MAP4K4: variants seen among roughly 807,000 people sequenced by gnomAD.
MAP4K4 encodes the protein mitogen-activated protein kinase kinase kinase kinase 4, also known as HPK/GCK-like kinase HGK.
A neutral mutation model predicts 189.6 loss-of-function variants in MAP4K4; 38 were observed. The ratio of observed to expected loss-of-function variants is 0.20; its 90% CI spans 0.15 to 0.26. MAP4K4 has a LOEUF of 0.26. Ranked by LOEUF, MAP4K4 falls within the 10% of genes least tolerant of loss-of-function variation. MAP4K4 has a pLI of 1.00. For synonymous variants in MAP4K4, 610 were observed against 624.3 expected, an observed-to-expected ratio of 0.98 and a Z score of 0.34; for missense variants, 1,054 against 1,726.9, an observed-to-expected ratio of 0.61 and a Z score of 6.91.
At chr2:101,733,319 G>C (rs1355015031) in intron 2 of MAP4K4, among the ~76,000 whole-genome samples, 1 of 152,216 alleles carries the variant, frequency 6.6e-6, no homozygotes, top group Non-Finnish European at 1.5e-5. Context: ...AGGATGTCAG[G>C]AAGGCACTGA....
At chr2:101,833,199 T>C (rs968649025) in intron 7 of MAP4K4, among the ~76,000 whole-genome samples, 1 of 152,038 alleles carries the variant, frequency 6.6e-6, no homozygotes. Context: ...AAGTGTAGAT[T>C]ATTTAGAAAA....
intron 9 of MAP4K4, among the ~76,000 whole-genome samples, chr2:101,836,820 AC>A (rs1279789935): frequency 3.3e-5 from 5 of 152,150 alleles, no homozygotes; most frequent in Admixed American, 3.3e-4. Flanking sequence ...GAGTACTGAT[AC>A]CCGCAGAGAG....
intron 2 of MAP4K4, among the ~76,000 whole-genome samples, chr2:101,755,141 T>C (rs534859120): frequency 3.0e-4 from 45 of 151,280 alleles, no homozygotes; most frequent in African/African-American, 1.1e-3. Context: ...GTTTGTCAAA[T>C]ACTTAAAAAA....
intron 22 of MAP4K4, 59 bp downstream of exon 22, chr2:101,869,856 C>G: frequency 1.4e-6 from 2 of 1,464,938 alleles, no homozygotes; most frequent in Non-Finnish European, 1.8e-6. Context: ...CTGCTTTCCA[C>G]TGGGACCTAG....
At chr2:101,887,369 G>A in intron 30 of MAP4K4, 132 bp downstream of exon 30, 2 of 871,534 alleles carry the variant, frequency 2.3e-6, no homozygotes, top group Non-Finnish European at 3.4e-6. Flanking sequence ...GTATTTAAAT[G>A]ATACGCAATT....
chr2:101,794,515 T>C (rs2148869398), intron 3 of MAP4K4, among the ~76,000 whole-genome samples: 1 of 152,358 alleles, frequency 6.6e-6, no homozygotes, highest in East Asian at 1.9e-4. Flanking sequence ...TGTTCACTTA[T>C]ATTCAACATT....
intron 27 of MAP4K4, among the ~76,000 whole-genome samples, chr2:101,881,270 A>T (rs569608154): frequency 3.9e-5 from 6 of 152,136 alleles, no homozygotes; most frequent in Non-Finnish European, 8.8e-5. Flanking sequence ...TCAAATTCTA[A>T]TGATTTGTTG....
chr2:101,808,137 T>C (rs1305283744), intron 3 of MAP4K4, among the ~76,000 whole-genome samples: 1 of 152,234 alleles, frequency 6.6e-6, no homozygotes, highest in Admixed American at 6.5e-5. Context: ...CTTGTTTTTA[T>C]TTTATCCATT....
At chr2:101,785,536 A>G (rs1408114528) in intron 2 of MAP4K4, among the ~76,000 whole-genome samples, 1 of 152,214 alleles carries the variant, frequency 6.6e-6, no homozygotes, top group Non-Finnish European at 1.5e-5. Context: ...CTCAACGAAT[A>G]TATTTAATCA....
chr2:101,880,770 G>A (rs1001453617), intron 27 of MAP4K4, among the ~76,000 whole-genome samples: 3 of 152,168 alleles, frequency 2.0e-5, no homozygotes, highest in Non-Finnish European at 4.4e-5. Context: ...GCCCCATAAA[G>A]TACTGGGATT....
chr2:101,864,027 A>T, exon 17 of MAP4K4: 1 of 1,365,996 alleles, frequency 7.3e-7, no homozygotes, highest in East Asian at 4.6e-5. Context: ...GGTCTAGATC[A>T]GACAGTGACG....
At chr2:101,865,588 A>T (rs1343918194) in intron 18 of MAP4K4, among the ~76,000 whole-genome samples, 1 of 152,200 alleles carries the variant, frequency 6.6e-6, no homozygotes, top group Non-Finnish European at 1.5e-5. Context: ...TCCTTAGTGC[A>T]CTGGGTATAT....
intron 16 of MAP4K4, 73 bp downstream of exon 16, chr2:101,861,059 T>C: frequency 7.3e-7 from 1 of 1,377,346 alleles, no homozygotes; most frequent in Non-Finnish European, 9.8e-7. Flanking sequence ...CCTGCTGTAA[T>C]ATCACAGTTT....
At chr2:101,862,846 A>G (rs2097707007) in intron 16 of MAP4K4, among the ~76,000 whole-genome samples, 1 of 152,366 alleles carries the variant, frequency 6.6e-6, no homozygotes, top group Admixed American at 6.5e-5. Flanking sequence ...AAATCATACA[A>G]TAGAACTAAT....
chr2:101,863,329 C>T (rs751223982), intron 16 of MAP4K4, among the ~76,000 whole-genome samples: 13 of 152,130 alleles, frequency 8.5e-5, no homozygotes, highest in African/African-American at 2.2e-4. Context: ...TGTCTTTGCT[C>T]GTTGAACGTG....
In MAP4K4 at chr2:101,786,669, A is replaced by C. The variant is rs936655405; in HGVS notation, c.124-4051A>C. ...TTGACGAGTTAGTAGAAACAGTAGG[A>C]GTCCCTCTCTTGAAGTATGTATATA... On this transcript the variant is annotated intron_variant, in intron 2 of 32. Transcript: ENST00000324219. Among the ~76,000 whole-genome samples the C allele has an allele frequency of 3.3e-5, 5 of 152,330 alleles. No homozygotes were observed. The East Asian group carries it at 9.6e-4, about 29-fold the overall frequency.
intron 2 of MAP4K4, among the ~76,000 whole-genome samples, chr2:101,721,453 TGAG>T: frequency 6.6e-6 from 1 of 150,582 alleles, no homozygotes; most frequent in African/African-American, 2.4e-5. Context: ...TTTTTTTTTT[TGAG>T]ATGGAGTGTT....
intron 3 of MAP4K4, among the ~76,000 whole-genome samples, chr2:101,811,421 G>A (rs922082822): frequency 1.3e-5 from 2 of 150,870 alleles, no homozygotes; most frequent in Non-Finnish European, 2.9e-5. Context: ...CTGGCCTGTG[G>A]CTTCCCTGGC....
At chr2:101,874,108 C>T (rs766813229) in exon 26 of MAP4K4, 2 of 1,613,532 alleles carry the variant, frequency 1.2e-6, no homozygotes, top group East Asian at 4.5e-5. Context: ...TGGGATGAGA[C>T]CAGAAGCCAT....
Sources: gnomAD v4.1 joint callset for allele counts (sites outside exome capture counted in the v4.1 genomes callset) on GRCh38, gnomAD v4.1.1 for gene constraint, MANE v1.5 for transcripts, NCBI Gene and HGNC (gene_info 2026-07-23, HGNC 2026-07-21) for gene names.